The following PXDN variants were observed in gnomAD, a reference collection of about 807,000 sequenced individuals.
PXDN encodes the protein peroxidasin homolog.
In PXDN, 77 loss-of-function variants were observed where a neutral mutation model predicts 140.3. That is an observed-to-expected ratio of 0.55 (90% CI 0.46 to 0.66). The LOEUF (loss-of-function observed/expected upper bound fraction) is 0.66. Ranked by LOEUF, PXDN falls within the 30% of genes least tolerant of loss-of-function variation. The probability of loss-of-function intolerance (pLI) is 0.00; values close to 1 mark genes in which losing one functional copy is unlikely to be tolerated. For missense variants in PXDN, 1,838 were observed against 2,039.5 expected (o/e 0.90, Z 1.90); for synonymous variants, 911 against 857.4 (o/e 1.06, Z -1.09).
At chr2:1,680,691 G>A (rs1484666344) in intron 6 of PXDN, among the ~76,000 whole-genome samples, 1 of 152,218 alleles carries the variant, frequency 6.6e-6, no homozygotes, top group Non-Finnish European at 1.5e-5. Context: ...CAGCGGCACA[G>A]GTCAGGGAAG....
chr2:1,668,784 A>T (rs1683507271), intron 9 of PXDN, among the ~76,000 whole-genome samples: 1 of 152,242 alleles, frequency 6.6e-6, no homozygotes, highest in Non-Finnish European at 1.5e-5. Context: ...GCGATCATTA[A>T]AAAGTCTGGA....
chr2:1,741,021 A>G (rs1685531167), intron 1 of PXDN, among the ~76,000 whole-genome samples: 1 of 152,146 alleles, frequency 6.6e-6, no homozygotes, highest in Non-Finnish European at 1.5e-5. Context: ...AGCGGCCTGG[A>G]CTGTGGTGAG....
chr2:1,648,859 C>T lies in PXDN; in HGVS notation c.2921G>A (p.Gly974Glu), dbSNP rs974812418. ...CAGCTGCTCGTTGGCGCGGTGGTCC[C>T]CGGCCAGGAAGCAGGGGATGGGGCT... ...NESPIPCFLA[G>E]DHRANEQLGL... The change falls in exon 17 of 23, where the codon GGG becomes GAG. Residue 974 changes from glycine to glutamate, a missense_variant. Physicochemically the swap from Gly to Glu is moderately conservative, Grantham distance 98 (BLOSUM62 -2). Around this residue, in one of 5 missense-constraint regions of PXDN, gnomAD observed 850 missense variants for 894.1 expected, o/e 0.95. Coordinates refer to ENST00000252804, the MANE Select transcript of PXDN (RefSeq NM_012293.3). This position sits in a 1 kb window ranked among gnomAD's most constrained non-coding sequence, Gnocchi z 8.9. 4 of 1,600,472 alleles carry T rather than the reference C, an allele frequency of 2.5e-6. No individual in the cohort carries two copies. Among genetic ancestry groups the T allele is most frequent in the Non-Finnish European group, 3.4e-6 (4 of 1,176,526 alleles).
chr2:1,732,563 C>T (rs1017239501), intron 1 of PXDN, among the ~76,000 whole-genome samples: 1 of 152,168 alleles, frequency 6.6e-6, no homozygotes, highest in African/African-American at 2.4e-5. Context: ...TTGTTGAAAA[C>T]GATGAGCCTT....
chr2:1,744,601 C>A (rs1359798048), upstream of PXDN: 8 of 670,036 alleles, frequency 1.2e-5, no homozygotes, highest in Non-Finnish European at 1.6e-5. Flanking sequence ...CCTCCCGGCC[C>A]CTCTGAATCC....
intron 1 of PXDN, among the ~76,000 whole-genome samples, chr2:1,730,959 G>A (rs1280974218): frequency 2.6e-5 from 4 of 152,162 alleles, no homozygotes; most frequent in Non-Finnish European, 5.9e-5. Context: ...GAGGGAGAGA[G>A]TTTTAAAACT....
At chr2:1,740,295 G>C (rs1685511285) in intron 1 of PXDN, among the ~76,000 whole-genome samples, 1 of 152,178 alleles carries the variant, frequency 6.6e-6, no homozygotes, top group African/African-American at 2.4e-5. Context: ...CTGCGTGTGA[G>C]GAGGAGAGGT....
intron 1 of PXDN, among the ~76,000 whole-genome samples, chr2:1,700,645 G>A (rs765231713): frequency 1.3e-5 from 2 of 151,960 alleles, no homozygotes; most frequent in Non-Finnish European, 2.9e-5. Context: ...AGGCGGAGGT[G>A]GGTGGATCAC....
intron 1 of PXDN, among the ~76,000 whole-genome samples, chr2:1,742,875 C>A (rs1027989760): frequency 6.6e-6 from 1 of 152,348 alleles, no homozygotes; most frequent in African/African-American, 2.4e-5. Context: ...CCCTGGGAGC[C>A]GTGGTCTGTC....
intron 9 of PXDN, among the ~76,000 whole-genome samples, chr2:1,673,408 G>A (rs1312632624): frequency 6.6e-6 from 1 of 152,142 alleles, no homozygotes; most frequent in Non-Finnish European, 1.5e-5. Flanking sequence ...GACTGCCCCG[G>A]CTGTGTGGAC....
upstream of PXDN, chr2:1,744,616 G>A: frequency 1.7e-6 from 1 of 592,470 alleles, no homozygotes; most frequent in Non-Finnish European, 2.4e-6. Context: ...GAATCCCCGA[G>A]GGCGGGGCGG....
At chr2:1,711,329 G>T (rs111162157) in intron 1 of PXDN, among the ~76,000 whole-genome samples, 355 of 16,622 alleles carry the variant, frequency 0.021, 45 homozygotes, top group Admixed American at 0.036. Context: ...ACCAGCACCC[G>T]CTCCACCAGC....
Position 1,687,504 on chromosome 2 carries a change from T to TA in PXDN, c.416+127dup. 1.6e-6 allele frequency: 1 copy of TA among 607,490 alleles called. No individual in the cohort carries two copies. The highest frequency in any genetic ancestry group is 2.6e-6 in the Non-Finnish European group (1 of 386,836). 37.6% of individuals were successfully genotyped at this position (607,490 alleles called of 1,614,324 possible). On this transcript the variant is annotated intron_variant, in intron 4 of 22. Transcript: ENST00000252804. This position sits in a 1 kb window ranked among gnomAD's most constrained non-coding sequence, Gnocchi z 4.0. ...CCCTGTTTTTCCGTCATCATGCACG[T>TA]ACTCCCCGCACCTCAGGTAGCATAG...
rs1321265954 is a variant in PXDN, at chr2:1,644,727, C to T, written c.3634G>A (p.Asp1212Asn). 6 of 1,582,846 alleles carry T rather than the reference C, an allele frequency of 3.8e-6. No homozygotes were observed. The highest frequency in any genetic ancestry group is 1.7e-6 in the Non-Finnish European group (2 of 1,160,112). Residue 1212 changes from aspartate (D) to asparagine (N), a missense_variant, in exon 18 of 23, where the codon GAC becomes AAC. Coordinates refer to ENST00000252804, the MANE Select transcript of PXDN (RefSeq NM_012293.3). ...KRLYGSTLNI[D>N]LFPALVVEDL... ...TCCACCACGAGCGCCGGAAACAGGT[C>T]GATGTTGAGTGTCGAGCCATACAAC...
rs560106996 is a variant in PXDN at position 1,683,242 on chromosome 2, CA to C, written c.560+413del. Among the ~76,000 whole-genome samples the C allele has an allele frequency of 2.8e-3, 399 of 140,396 alleles. 2 individuals are homozygous for C. The highest frequency in any genetic ancestry group is 8.6e-3 in the African/African-American group (329 of 38,424). 92.1% of individuals were successfully genotyped at this position (140,396 alleles called of 152,430 possible). A position where few individuals can be genotyped will look rare whatever the true frequency, so the allele number is the denominator to read the frequency against. ...AAAAAAGAAAAAAAGAAAGAAAAAC[CA>C]AAAAAAAAAACCCACAAAATTACAA... On this transcript the variant is annotated intron_variant, in intron 6 of 22. Coordinates refer to ENST00000252804, the MANE Select transcript of PXDN (RefSeq NM_012293.3).
At chr2:1,702,383 C>G (rs1239171572) in intron 1 of PXDN, among the ~76,000 whole-genome samples, 1 of 152,206 alleles carries the variant, frequency 6.6e-6, no homozygotes, top group Non-Finnish European at 1.5e-5. Flanking sequence ...GCAGGCCCCA[C>G]CAGGGCTGCA....
At position 1,665,205 on chromosome 2, in the gene PXDN, A is replaced by G. The variant is rs535471245; in HGVS notation, c.1292-131T>C. 2.0e-5 allele frequency: 14 copies of G among 706,162 alleles called. No individual in the cohort carries two copies. The South Asian group carries it at 2.3e-4, about 12-fold the overall frequency. 43.7% of individuals were successfully genotyped at this position (706,162 alleles called of 1,614,324 possible). On this transcript the variant is annotated intron_variant, in intron 10 of 22. Coordinates refer to ENST00000252804, the MANE Select transcript of PXDN (RefSeq NM_012293.3). ...GCAATGTCTACAACGAAGAGTCAGA[A>G]AGAGGCAGAGGGCACAGGAGAAGAT...
In PXDN at chr2:1,685,596, A is replaced by T. The variant is rs975392224; in HGVS notation, c.417-1445T>A. Among the ~76,000 whole-genome samples, 10 of 152,086 alleles carry T rather than the reference A, an allele frequency of 6.6e-5. No individual in the cohort carries two copies. Among genetic ancestry groups the T allele is most frequent in the Admixed American group, 1.3e-4 (2 of 15,278 alleles). On this transcript the variant is annotated intron_variant, in intron 4 of 22. Transcript: ENST00000252804. The surrounding 1 kb of genome is among the most constrained non-coding windows in gnomAD (Gnocchi z 5.1). Reference sequence around the variant, plus strand: ...AGTCCCCCAAGCAAAGCCCAGAAGGATGAGGAGGTACTGACCGAGGGAAGG... The same window carrying T: ...AGTCCCCCAAGCAAAGCCCAGAAGGTTGAGGAGGTACTGACCGAGGGAAGG...
At chr2:1,709,580 A>C (rs2125467037) in intron 1 of PXDN, among the ~76,000 whole-genome samples, 1 of 152,266 alleles carries the variant, frequency 6.6e-6, no homozygotes, top group African/African-American at 2.4e-5. Flanking sequence ...AGTCAGGGCC[A>C]TTGAACAAGA....
Sources: allele counts gnomAD v4.1 joint callset (sites outside exome capture counted in the v4.1 genomes callset), GRCh38; gene constraint gnomAD v4.1.1; regional missense constraint gnomAD v4.1.1; non-coding constraint Gnocchi (gnomAD v3.1); transcripts MANE v1.5; gene names NCBI Gene and HGNC (gene_info 2026-07-23, HGNC 2026-07-21).